Variants in SUGCT observed in about 807,000 individuals in gnomAD.
SUGCT encodes succinyl-CoA:glutarate CoA-transferase.
A neutral mutation model predicts 55.0 loss-of-function variants in SUGCT; 41 were observed. The ratio of observed to expected loss-of-function variants is 0.74; its 90% CI spans 0.58 to 0.97. The LOEUF (loss-of-function observed/expected upper bound fraction) is 0.97, where lower values mean the gene tolerates loss of function less well. Ranked by LOEUF, SUGCT falls within the 50% of genes least tolerant of loss-of-function variation. SUGCT has a pLI of 0.00. For missense variants in SUGCT, 568 were observed against 547.8 expected (o/e 1.04, Z -0.37); for synonymous variants, 187 against 200.4 (o/e 0.93, Z 0.56).
At chr7:40,831,915 T>A (rs1563034417) in intron 13 of SUGCT, among the ~76,000 whole-genome samples, 1 of 152,206 alleles carries the variant, frequency 6.6e-6, no homozygotes, top group African/African-American at 2.4e-5. Context: ...CTCCAGGGAC[T>A]CCCAGAGGAG....
intron 13 of SUGCT, among the ~76,000 whole-genome samples, chr7:40,776,840 T>C (rs4460274): frequency 0.31 from 47,010 of 152,080 alleles, 7,900 homozygotes; most frequent in South Asian, 0.47. Context: ...GCACTTGGCT[T>C]TGGAGAACCC....
the SUGCT span, among the ~76,000 whole-genome samples, chr7:40,907,933 A>G: frequency 6.6e-6 from 1 of 152,180 alleles, no homozygotes; most frequent in Non-Finnish European, 1.5e-5. Flanking sequence ...ACATTAGTAA[A>G]TAAGGATCCA....
the SUGCT span, chr7:40,965,379 GC>G: frequency 4.6e-5 from 7 of 152,134 alleles, no homozygotes; most frequent in African/African-American, 1.4e-4. Context: ...TGTATCACCT[GC>G]CTCTTCTTTC....
At chr7:40,908,023 A>G in the SUGCT span, among the ~76,000 whole-genome samples, 2 of 152,070 alleles carry the variant, frequency 1.3e-5, no homozygotes, top group Non-Finnish European at 2.9e-5. Flanking sequence ...TAAGAAAAAT[A>G]CTCACATCCA....
At chr7:40,351,042 G>T (rs995367751) in intron 9 of SUGCT, among the ~76,000 whole-genome samples, 1 of 151,950 alleles carries the variant, frequency 6.6e-6, no homozygotes, top group African/African-American at 2.4e-5. Flanking sequence ...TATCATTGAT[G>T]GGCATTTGGG....
At chr7:40,153,530 C>A in intron 1 of SUGCT, 1 of 430,522 alleles carries the variant, frequency 2.3e-6, no homozygotes, top group South Asian at 1.9e-5. Flanking sequence ...CTCTTTTGTA[C>A]CTATCAACAT....
intron 6 of SUGCT, among the ~76,000 whole-genome samples, chr7:40,235,631 A>C (rs1356227102): frequency 6.6e-6 from 1 of 152,196 alleles, no homozygotes; most frequent in African/African-American, 2.4e-5. Context: ...CCAGCCAAAA[A>C]ATTATTTTTA....
chr7:40,784,865 C>G (rs932801473), intron 13 of SUGCT, among the ~76,000 whole-genome samples: 50 of 152,110 alleles, frequency 3.3e-4, no homozygotes, highest in African/African-American at 1.1e-3. Context: ...AGTAACTTTA[C>G]CTACTGTCTA....
chr7:40,591,157 T>C (rs113188487), intron 12 of SUGCT, among the ~76,000 whole-genome samples: 14,452 of 152,212 alleles, frequency 0.095, 732 homozygotes, highest in Middle Eastern at 0.12. Flanking sequence ...CACCATTCTA[T>C]ATGCCATTAA....
the SUGCT span, among the ~76,000 whole-genome samples, chr7:40,943,979 G>T: frequency 1.1e-4 from 16 of 149,990 alleles, no homozygotes; most frequent in South Asian, 3.4e-3. Context: ...ATTCTAACTG[G>T]TGTGAGATGG....
At chr7:40,296,866 G>A (rs1325436142) in intron 8 of SUGCT, among the ~76,000 whole-genome samples, 3 of 152,084 alleles carry the variant, frequency 2.0e-5, no homozygotes, top group Non-Finnish European at 2.9e-5. Flanking sequence ...GTGGTTAGGA[G>A]CATGGACTCT....
At chr7:40,660,036 T>C (rs1801226967) in intron 12 of SUGCT, among the ~76,000 whole-genome samples, 1 of 152,194 alleles carries the variant, frequency 6.6e-6, no homozygotes, top group African/African-American at 2.4e-5. Flanking sequence ...ATGGATGTAA[T>C]ATTGGTTACA....
the SUGCT span, among the ~76,000 whole-genome samples, chr7:40,961,997 G>A: frequency 3.9e-5 from 6 of 152,144 alleles, no homozygotes; most frequent in Non-Finnish European, 8.8e-5. Flanking sequence ...ATGTGGAAGG[G>A]GACCCAAGTG....
At chr7:40,285,203 A>C (rs1162600952) in intron 8 of SUGCT, among the ~76,000 whole-genome samples, 1 of 152,186 alleles carries the variant, frequency 6.6e-6, no homozygotes, top group Non-Finnish European at 1.5e-5. Flanking sequence ...AAAATAATTA[A>C]GTTCAAGATA....
chr7:40,188,434 CAAAAAAAAA>C, intron 3 of SUGCT, 52 bp from the exon 4 acceptor site: 8 of 598,164 alleles, frequency 1.3e-5, no homozygotes, highest in Non-Finnish European at 1.7e-5. Flanking sequence ...ACTCCATCTC[CAAAAAAAAA>C]AAAAAAAAAA....
chr7:40,820,359 A>T (rs1158486098), intron 13 of SUGCT, among the ~76,000 whole-genome samples: 1 of 152,064 alleles, frequency 6.6e-6, no homozygotes, highest in African/African-American at 2.4e-5. Flanking sequence ...CTTGGGCAGT[A>T]TGGCCATTTT....
At chr7:40,274,462 T>C (rs915369740) in intron 7 of SUGCT, 51 bp from the exon 8 acceptor site, 10 of 1,573,400 alleles carry the variant, frequency 6.4e-6, no homozygotes, top group Non-Finnish European at 8.6e-6. Flanking sequence ...AATCATATGA[T>C]TCTTTTAATG....
chr7:40,795,778 A>G (rs1308290178), intron 13 of SUGCT, among the ~76,000 whole-genome samples: 1 of 152,168 alleles, frequency 6.6e-6, no homozygotes, highest in African/African-American at 2.4e-5. Context: ...TCTGACTGTT[A>G]GTGTATTCTT....
chr7:40,544,076 T>C (rs1794852618), intron 12 of SUGCT, among the ~76,000 whole-genome samples: 1 of 151,842 alleles, frequency 6.6e-6, no homozygotes, highest in African/African-American at 2.4e-5. Flanking sequence ...ATCAGTTGAC[T>C]ACCAGAATTG....
Sources: gnomAD v4.1 joint callset for allele counts (sites outside exome capture counted in the v4.1 genomes callset) on GRCh38, gnomAD v4.1.1 for gene constraint, MANE v1.5 for transcripts, NCBI Gene and HGNC (gene_info 2026-07-23, HGNC 2026-07-21) for gene names.